Variants in FAM135B observed in about 807,000 individuals in gnomAD.
FAM135B encodes family with sequence similarity 135 member B, also known as protein FAM135B.
FAM135B carries 43 observed loss-of-function variants against 127.7 expected under a neutral mutation model. The ratio of observed to expected loss-of-function variants is 0.34; its 90% CI spans 0.26 to 0.43. The LOEUF is 0.43. Among genes scored for constraint, FAM135B ranks in the 20% least tolerant of loss-of-function variants. The probability of loss-of-function intolerance (pLI) is 1.00; values close to 1 mark genes in which losing one functional copy is unlikely to be tolerated. For synonymous variants in FAM135B, 670 were observed against 665.1 expected (o/e 1.01, Z -0.11); for missense variants, 1,558 against 1,725.6 (o/e 0.90, Z 1.72).
rs754173137 is a variant in FAM135B, at chr8:138,242,462, C to T, written c.669+480G>A. Reference sequence around the variant, plus strand: ...TTAGCAGCTAGTGAGTATTGGATACCGGGCTAGGAACTTTACATTTATTAC... The same window carrying T: ...TTAGCAGCTAGTGAGTATTGGATACTGGGCTAGGAACTTTACATTTATTAC... On this transcript the variant is annotated intron_variant, in intron 7 of 19. Coordinates refer to ENST00000395297, the MANE Select transcript of FAM135B (RefSeq NM_015912.4). This position sits in a 1 kb window ranked among gnomAD's most constrained non-coding sequence, Gnocchi z 9.6. Among the ~76,000 whole-genome samples the T allele has an allele frequency of 5.3e-4, 81 of 151,988 alleles. No individual in the cohort carries two copies. The highest frequency in any genetic ancestry group is 3.4e-3 in the Middle Eastern group (1 of 294).
At chr8:138,218,801 AG>A (rs1818789286) in intron 7 of FAM135B, among the ~76,000 whole-genome samples, 3 of 21,050 alleles carry the variant, frequency 1.4e-4, no homozygotes, top group East Asian at 1.3e-3. Flanking sequence ...AGAGAGAGAG[AG>A]AGGGAGAGAA....
At chr8:138,362,337 G>C (rs983663313) in intron 2 of FAM135B, among the ~76,000 whole-genome samples, 1 of 139,976 alleles carries the variant, frequency 7.1e-6, no homozygotes, top group Non-Finnish European at 1.5e-5. Flanking sequence ...GGTGATGGTA[G>C]GGACCATTCA....
At chr8:138,203,327 T>C (rs1817292773) in intron 7 of FAM135B, among the ~76,000 whole-genome samples, 1 of 152,120 alleles carries the variant, frequency 6.6e-6, no homozygotes, top group African/African-American at 2.4e-5. Flanking sequence ...CTGGTCTTCC[T>C]GAATGGACCC....
intron 2 of FAM135B, among the ~76,000 whole-genome samples, chr8:138,340,746 G>A (rs1828990882): frequency 6.6e-6 from 1 of 152,076 alleles, no homozygotes; most frequent in Non-Finnish European, 1.5e-5. Context: ...CCTTGGATGA[G>A]TCAGCCCATG....
At chr8:138,191,202 T>A (rs1473829256) in intron 9 of FAM135B, among the ~76,000 whole-genome samples, 3 of 152,252 alleles carry the variant, frequency 2.0e-5, no homozygotes, top group African/African-American at 7.2e-5. Flanking sequence ...ACTGTGCACC[T>A]GTGACCCCAC....
At position 138,318,745 on chromosome 8, in the gene FAM135B, G is replaced by C. The variant is rs572690736; in HGVS notation, c.78-7825C>G. Among the ~76,000 whole-genome samples, 6 of 152,276 alleles carry C rather than the reference G, an allele frequency of 3.9e-5. No homozygotes were observed. The South Asian group carries it at 1.2e-3, about 32-fold the overall frequency. ...GAATTGTTTCTTAAAAGCCCTTGATGCTACTGAATCTTACTTCAAGAACTT... is the reference window on the plus strand; with the variant it reads ...GAATTGTTTCTTAAAAGCCCTTGATCCTACTGAATCTTACTTCAAGAACTT... On this transcript the variant is annotated intron_variant, in intron 2 of 19. Transcript: ENST00000395297.
At chr8:138,260,517 G>C (rs1049186279) in intron 4 of FAM135B, among the ~76,000 whole-genome samples, 1 of 152,106 alleles carries the variant, frequency 6.6e-6, no homozygotes, top group Non-Finnish European at 1.5e-5. Context: ...CTCCCTAGTA[G>C]AAGCTTTTCT....
chr8:138,486,930 A>G (rs1023587328), intron 1 of FAM135B, among the ~76,000 whole-genome samples: 1 of 152,228 alleles, frequency 6.6e-6, no homozygotes, highest in South Asian at 2.1e-4. Flanking sequence ...TAGGACCAAG[A>G]AGGTTCCTGG....
In FAM135B at chr8:138,143,654, T is replaced by C. The variant is rs184483296; in HGVS notation, c.3541-545A>G. On this transcript the variant is annotated intron_variant, in intron 15 of 19. Transcript: ENST00000395297. ...GAGGAATGCCACACATGTCCTTGAATATTTGAAGGGCAGCAACAAGGAAGA... is the reference window on the plus strand; with the variant it reads ...GAGGAATGCCACACATGTCCTTGAACATTTGAAGGGCAGCAACAAGGAAGA... 1.7e-4 allele frequency among the ~76,000 whole-genome samples: 26 copies of C among 152,324 alleles called. No individual in the cohort carries two copies. In the East Asian group the frequency reaches 1.9e-3, roughly 11 times the overall value.
chr8:138,347,098 C>A (rs1046104468), intron 2 of FAM135B, among the ~76,000 whole-genome samples: 1 of 139,050 alleles, frequency 7.2e-6, no homozygotes, highest in African/African-American at 2.9e-5. Context: ...GAGGAATGAA[C>A]AAAAGGAAGA....
At chr8:138,368,090 C>A in intron 1 of FAM135B, 88 bp from the exon 2 acceptor site, 1 of 802,924 alleles carries the variant, frequency 1.2e-6, no homozygotes, top group Non-Finnish European at 2.1e-6. Flanking sequence ...CCAATCTGAC[C>A]AACAGGACCA....
intron 1 of FAM135B, among the ~76,000 whole-genome samples, chr8:138,391,857 C>T (rs1676423006): frequency 6.6e-6 from 1 of 152,150 alleles, no homozygotes; most frequent in South Asian, 2.1e-4. Context: ...GGTCACACAG[C>T]TAAATCAGTA....
At chr8:138,493,219 G>C (rs1303265828) in intron 1 of FAM135B, among the ~76,000 whole-genome samples, 1 of 152,118 alleles carries the variant, frequency 6.6e-6, no homozygotes, top group African/African-American at 2.4e-5. Flanking sequence ...GCAGATATTA[G>C]CGATGTCCGT....
intron 1 of FAM135B, chr8:138,477,481 GT>G (rs1814543280): frequency 2.0e-5 from 3 of 152,114 alleles, no homozygotes; most frequent in Non-Finnish European, 4.4e-5. Context: ...TCATCTGTTT[GT>G]TTATCTGTTG....
At chr8:138,373,019 C>T (rs1831243208) in intron 1 of FAM135B, among the ~76,000 whole-genome samples, 1 of 152,266 alleles carries the variant, frequency 6.6e-6, no homozygotes, top group Admixed American at 6.5e-5. Flanking sequence ...GTTCTAAGAT[C>T]CCATTACCTT....
intron 12 of FAM135B, among the ~76,000 whole-genome samples, chr8:138,163,634 C>T (rs547443060): frequency 3.9e-5 from 6 of 152,236 alleles, no homozygotes; most frequent in Non-Finnish European, 5.9e-5. Flanking sequence ...CCATGTAAGA[C>T]GTGCGTTTCA....
chr8:138,303,791 A>G (rs1306568363), intron 3 of FAM135B, among the ~76,000 whole-genome samples: 1 of 152,140 alleles, frequency 6.6e-6, no homozygotes, highest in Non-Finnish European at 1.5e-5. Context: ...CAGGAAATCT[A>G]TCGAGTACCC....
intron 7 of FAM135B, among the ~76,000 whole-genome samples, chr8:138,234,466 A>C (rs1460576415): frequency 6.6e-6 from 1 of 152,236 alleles, no homozygotes; most frequent in Non-Finnish European, 1.5e-5. Context: ...GAAACAAGTT[A>C]CATGTCTATC....
rs56215479 is a variant in FAM135B, at chr8:138,474,093, T to C, written c.-20+22578A>G. Among the ~76,000 whole-genome samples, 1,355 of 152,298 alleles carry C rather than the reference T, an allele frequency of 8.9e-3. 4 individuals are homozygous for C. The highest frequency in any genetic ancestry group is 0.015 in the Non-Finnish European group (997 of 68,020). ...ATTCTATCTGAGGTTTGCAAAACCA[T>C]TGTAGAGTCAGCTAGTCAACAGAAA... On this transcript the variant is annotated intron_variant, in intron 1 of 19. Transcript: ENST00000395297.
Sources: allele counts gnomAD v4.1 joint callset (sites outside exome capture counted in the v4.1 genomes callset), GRCh38; gene constraint gnomAD v4.1.1; non-coding constraint Gnocchi (gnomAD v3.1); transcripts MANE v1.5; gene names NCBI Gene and HGNC (gene_info 2026-07-23, HGNC 2026-07-21).